Variants in TRPV2 observed in about 807,000 individuals in gnomAD.
TRPV2 encodes transient receptor potential cation channel subfamily V member 2.
TRPV2 carries 58 observed loss-of-function variants against 91.0 expected under a neutral mutation model. The observed-to-expected ratio is 0.64, with a 90% CI of 0.52 to 0.79. The LOEUF is 0.79. TRPV2 is among the 30% of genes least tolerant of loss of function. TRPV2 has a pLI of 0.00. For missense variants in TRPV2, 807 were observed against 969.6 expected, an observed-to-expected ratio of 0.83 and a Z score of 2.23; for synonymous variants, 417 against 414.8, an observed-to-expected ratio of 1.01 and a Z score of -0.06.
At chr17:16,429,677 G>A (rs1026853106) in intron 10 of TRPV2, among the ~76,000 whole-genome samples, 6 of 152,220 alleles carry the variant, frequency 3.9e-5, no homozygotes, top group Admixed American at 2.6e-4. Context: ...TGGCTGCCAC[G>A]AGCCAGAAGG....
At position 16,426,844 on chromosome 17, in the gene TRPV2, C is replaced by A. The variant is rs144376143; in HGVS notation, c.1218C>A (p.Thr406=). ...ATCTGATCTACATGTTCATCTTCAC[C>A]GCTGTTGCCTACCATCAGCCTACCC... is the stretch of plus-strand genomic sequence containing the variant. ...LCNLIYMFIF[T]AVAYHQPTLK... The change falls in exon 7 of 15, where the codon ACC becomes ACA. Residue 406 remains threonine, a synonymous_variant. Transcript: ENST00000338560. This position sits in a 1 kb window ranked among gnomAD's most constrained non-coding sequence, Gnocchi z 6.0. The A allele has an allele frequency of 3.7e-6, 6 of 1,613,564 alleles. No individual in the cohort carries two copies. The highest frequency in any genetic ancestry group is 1.3e-5 in the African/African-American group (1 of 74,898).
rs1243649165 is a variant in TRPV2 at position 16,434,832 on chromosome 17, G to T, written c.2115-58G>T. 4.6e-6 allele frequency: 7 copies of T among 1,536,916 alleles called. No homozygotes were observed. In the South Asian group the frequency reaches 7.9e-5, roughly 17 times the overall value. On this transcript the variant is annotated intron_variant, in intron 13 of 14. Coordinates refer to ENST00000338560, the MANE Select transcript of TRPV2 (RefSeq NM_016113.5). ...ATTTGGGGGGCCACGCCCCTCTCCG[G>T]GGTGGGAGGGGAGGCGGTCAAAGCA...
Position 16,427,463 on chromosome 17 carries a change from C to T in TRPV2, c.1266C>T (p.His422=). 6.2e-7 allele frequency: 1 copy of T among 1,613,882 alleles called. No individual in the cohort carries two copies. The highest frequency in any genetic ancestry group is 1.1e-5 in the South Asian group (1 of 91,066). Residue 422 remains histidine (H), a synonymous_variant, in exon 8 of 15, where the codon CAC becomes CAT. Coordinates refer to ENST00000338560, the MANE Select transcript of TRPV2 (RefSeq NM_016113.5). ...TGTGTCTTCAGCAGGCCGCCCCTCA[C>T]CTGAAAGCGGAGGTTGGAAACTCCA... ...QPTLKKQAAP[H]LKAEVGNSML... is the part of the protein sequence containing the mutation.
chr17:16,422,946 G>A, intron 4 of TRPV2, 57 bp downstream of exon 4: 3 of 1,519,304 alleles, frequency 2.0e-6, no homozygotes, highest in Non-Finnish European at 2.6e-6. Flanking sequence ...CCTGGTTCAA[G>A]GTCACATGGT....
chr17:16,428,257 C>A, intron 8 of TRPV2, 60 bp from the exon 9 acceptor site: 2 of 1,559,930 alleles, frequency 1.3e-6, no homozygotes, highest in South Asian at 2.2e-5. Flanking sequence ...CTCAGCCAGG[C>A]CAGCAGGGGG....
chr17:16,436,983 A>C lies in TRPV2; in HGVS notation c.*94A>C. The C allele has an allele frequency of 1.0e-6, 1 of 1,000,710 alleles. No homozygotes were observed. The allele number at this position is 1,000,710 out of a possible 1,614,324, so 62.0% of individuals were successfully genotyped here. On this transcript the variant is annotated 3_prime_UTR_variant, in exon 15 of 15. Coordinates refer to ENST00000338560, the MANE Select transcript of TRPV2 (RefSeq NM_016113.5). Reference sequence around the variant, plus strand: ...GGGTCCCAGTGAATTCTGGTGGCAAATATATATTTTCACTAACTAACTCTT... The same window carrying C: ...GGGTCCCAGTGAATTCTGGTGGCAACTATATATTTTCACTAACTAACTCTT...
chr17:16,417,078 C>G (rs2093334231), intron 1 of TRPV2, among the ~76,000 whole-genome samples: 1 of 151,882 alleles, frequency 6.6e-6, no homozygotes, highest in Non-Finnish European at 1.5e-5. Flanking sequence ...AAAGGGTGGC[C>G]CTATTGGTTC....
intron 10 of TRPV2, among the ~76,000 whole-genome samples, 161 bp downstream of exon 10, chr17:16,429,143 A>G (rs2093398579): frequency 1.3e-5 from 2 of 152,070 alleles, no homozygotes; most frequent in African/African-American, 2.4e-5. Context: ...GCCTGCACAT[A>G]CCTCTCTCAG....
chr17:16,428,214 T>C, intron 8 of TRPV2, 103 bp from the exon 9 acceptor site: 2 of 1,053,054 alleles, frequency 1.9e-6, no homozygotes, highest in South Asian at 2.6e-5. Context: ...CCAAAGCTGC[T>C]GACTTAGCTC....
In TRPV2 at chr17:16,426,644, T is replaced by G. The variant is rs1351390323; in HGVS notation, c.1096-78T>G. ...CCTCTCTCCTCATTTCCTGGGCCCT[T>G]GCTTTGATCTTGACATGGAGTGGGC... On this transcript the variant is annotated intron_variant, in intron 6 of 14. Coordinates refer to ENST00000338560, the MANE Select transcript of TRPV2 (RefSeq NM_016113.5). The surrounding 1 kb of genome is among the most constrained non-coding windows in gnomAD (Gnocchi z 6.0). 3.9e-6 allele frequency: 6 copies of G among 1,519,972 alleles called. No homozygotes were observed. Among genetic ancestry groups the G allele is most frequent in the Non-Finnish European group, 5.3e-6 (6 of 1,125,638 alleles). The allele number at this position is 1,519,972 out of a possible 1,614,324, so 94.2% of individuals were successfully genotyped here. A position where few individuals can be genotyped will look rare whatever the true frequency, so the allele number is the denominator to read the frequency against.
In TRPV2 at chr17:16,426,595, G is replaced by A; in HGVS notation, c.1096-127G>A. 8.7e-7 allele frequency: 1 copy of A among 1,143,250 alleles called. No individual in the cohort carries two copies. The highest frequency in any genetic ancestry group is 1.6e-5 in the South Asian group (1 of 62,946). 70.8% of individuals were successfully genotyped at this position (1,143,250 alleles called of 1,614,324 possible). A position where few individuals can be genotyped will look rare whatever the true frequency, so the allele number is the denominator to read the frequency against. On this transcript the variant is annotated intron_variant, in intron 6 of 14. Coordinates refer to ENST00000338560, the MANE Select transcript of TRPV2 (RefSeq NM_016113.5). This position sits in a 1 kb window ranked among gnomAD's most constrained non-coding sequence, Gnocchi z 6.0. Reference sequence around the variant, plus strand: ...TGGCGTGAGGTCCTTTGGGGCTCCTGGGGTGTGGAAGCCTGCTCCCTGTCC... The same window carrying A: ...TGGCGTGAGGTCCTTTGGGGCTCCTAGGGTGTGGAAGCCTGCTCCCTGTCC...
intron 3 of TRPV2, among the ~76,000 whole-genome samples, chr17:16,421,283 C>T (rs2093355302): frequency 6.6e-6 from 1 of 151,712 alleles, no homozygotes; most frequent in African/African-American, 2.4e-5. Flanking sequence ...GATCTCAGTT[C>T]ACTGCAAAAC....
rs569542610 is a variant in TRPV2 at position 16,420,132 on chromosome 17, G to T, written c.218G>T (p.Arg73Leu). The T allele has an allele frequency of 4.3e-6, 7 of 1,613,398 alleles. No homozygotes were observed. The African/African-American group carries it at 5.3e-5, about 12-fold the overall frequency. The change falls in exon 3 of 15, where the codon CGA becomes CTA. Residue 73 changes from arginine to leucine, a missense_variant. By Grantham distance (102) the Arg-to-Leu change is moderately radical. Coordinates refer to ENST00000338560, the MANE Select transcript of TRPV2 (RefSeq NM_016113.5). ...CTCCACAGTCAGCCGGATCCAAACC[G>T]ATTTGACCGAGATCGGCTCTTCAAT... ...GTGASQPDPN[R>L]FDRDRLFNAV... is the part of the protein sequence containing the mutation.
chr17:16,426,383 GT>G lies in TRPV2; in HGVS notation c.1095+115del. 1 of 1,325,812 alleles carries G rather than the reference GT, an allele frequency of 7.5e-7. No individual in the cohort carries two copies. Among genetic ancestry groups the G allele is most frequent in the Middle Eastern group, 2.6e-4 (1 of 3,812 alleles). 82.1% of individuals were successfully genotyped at this position (1,325,812 alleles called of 1,614,324 possible). On this transcript the variant is annotated intron_variant, in intron 6 of 14. Coordinates refer to ENST00000338560, the MANE Select transcript of TRPV2 (RefSeq NM_016113.5). This position sits in a 1 kb window ranked among gnomAD's most constrained non-coding sequence, Gnocchi z 6.0. ...CTGCCCCATTCCTGTGCCAGTGGGG[GT>G]GTGGCTGCATGTCCCAGCAGGCACG...
chr17:16,418,950 G>C (rs746397603), intron 2 of TRPV2, among the ~76,000 whole-genome samples: 4 of 151,630 alleles, frequency 2.6e-5, no homozygotes, highest in Non-Finnish European at 5.9e-5. Flanking sequence ...ATCCCCACCT[G>C]ATTCAAGGAG....
At position 16,432,013 on chromosome 17, in the gene TRPV2, G is replaced by A; in HGVS notation, c.1702G>A (p.Gly568Ser). ...QEAWRPEAPT[G>S]PNATESVQPM... ...GGCTTGGCGCCCCGAAGCTCCTACA[G>A]GCCCCAATGCCACAGAGTCAGTGCA... The change falls in exon 12 of 15, where the codon GGC becomes AGC. Residue 568 changes from glycine to serine, a missense_variant. Transcript: ENST00000338560. The A allele has an allele frequency of 6.2e-7, 1 of 1,609,086 alleles. No homozygotes were observed. The highest frequency in any genetic ancestry group is 2.2e-5 in the East Asian group (1 of 44,744).
rs778530974 is a variant in TRPV2, at chr17:16,432,008, C to T, written c.1697C>T (p.Pro566Leu). The T allele has an allele frequency of 1.1e-5, 18 of 1,608,114 alleles. No individual in the cohort carries two copies. The African/African-American group carries it at 2.4e-4, about 22-fold the overall frequency. Residue 566 changes from proline to leucine, a missense_variant, in exon 12 of 15, where the codon CCT (proline) becomes CTT (leucine). By Grantham distance (98) the Pro-to-Leu change is moderately conservative. Coordinates refer to ENST00000338560, the MANE Select transcript of TRPV2 (RefSeq NM_016113.5). Reference sequence around the variant, plus strand: ...CAGGAGGCTTGGCGCCCCGAAGCTCCTACAGGCCCCAATGCCACAGAGTCA... The same window carrying T: ...CAGGAGGCTTGGCGCCCCGAAGCTCTTACAGGCCCCAATGCCACAGAGTCA... ...LSQEAWRPEA[P>L]TGPNATESVQ... is the part of the protein sequence containing the mutation.
In TRPV2 at chr17:16,423,644, C is replaced by T. The variant is rs2093368871; in HGVS notation, c.801C>T (p.Thr267=). 6.2e-7 allele frequency: 1 copy of T among 1,614,054 alleles called. No homozygotes were observed. The highest frequency in any genetic ancestry group is 1.3e-5 in the African/African-American group (1 of 74,922). ...DNSAENIALV[T]SMYDGLLQAG... is the part of the protein sequence containing the mutation. ...CAGCTGAGAACATTGCACTGGTGAC[C>T]AGCATGTATGATGGGCTCCTCCAAG... The change falls in exon 5 of 15, where the codon ACC becomes ACT. Residue 267 remains threonine (T), a synonymous_variant. Transcript: ENST00000338560.
Position 16,436,863 on chromosome 17 carries a change from C to T in TRPV2, c.2269C>T (p.Pro757Ser), listed in dbSNP as rs201025426. 1.3e-4 allele frequency: 215 copies of T among 1,614,090 alleles called. No homozygotes were observed. Among genetic ancestry groups the T allele is most frequent in the Middle Eastern group, 6.6e-4 (4 of 6,060 alleles). ...EDGASEENYV[P>S]VQLLQSN ...TGGTGCCTCTGAGGAAAACTATGTG[C>T]CCGTCCAGCTCCTCCAGTCCAACTG... The change falls in exon 15 of 15, where the codon CCC becomes TCC. Residue 757 changes from proline to serine, a missense_variant. Transcript: ENST00000338560.
Sources: gnomAD v4.1 joint callset for allele counts (sites outside exome capture counted in the v4.1 genomes callset) on GRCh38, gnomAD v4.1.1 for gene constraint, Gnocchi (gnomAD v3.1) non-coding constraint, MANE v1.5 for transcripts, NCBI Gene and HGNC (gene_info 2026-07-23, HGNC 2026-07-21) for gene names.